ANO7: variants seen among roughly 807,000 people sequenced by gnomAD.
ANO7 encodes anoctamin-7.
Under a neutral mutation model 115.8 loss-of-function variants are expected in ANO7, and 114 were observed. The ratio of observed to expected loss-of-function variants is 0.98; its 90% CI spans 0.85 to 1.15. The LOEUF (loss-of-function observed/expected upper bound fraction) is 1.15, where lower values mean the gene tolerates loss of function less well. ANO7 is among the 50% of genes most tolerant of loss of function. ANO7 has a pLI of 0.00. For missense variants in ANO7, 1,302 were observed against 1,201.2 expected (o/e 1.08, Z -1.24); for synonymous variants, 550 against 498.2 (o/e 1.10, Z -1.38).
rs979805320 is a variant in ANO7 at position 241,196,047 on chromosome 2, C to T, written c.309+202C>T. 10 of 1,431,756 alleles carry T rather than the reference C, an allele frequency of 7.0e-6. No individual in the cohort carries two copies. The African/African-American group carries it at 8.6e-5, about 12-fold the overall frequency. The allele number at this position is 1,431,756 out of a possible 1,614,324, so 88.7% of individuals were successfully genotyped here. A position where few individuals can be genotyped will look rare whatever the true frequency, so the allele number is the denominator to read the frequency against. On this transcript the variant is annotated intron_variant, in intron 4 of 24. Coordinates refer to ENST00000674324, the MANE Select transcript of ANO7 (RefSeq NM_001370694.2). ...TCCAGAGGCGGAGGTAAACATTGAT[C>T]CCTCCTGCACACTCAGCTCTCTCAT...
the ANO7 span, among the ~76,000 whole-genome samples, chr2:241,233,190 G>C: frequency 6.6e-6 from 1 of 152,216 alleles, no homozygotes; most frequent in Non-Finnish European, 1.5e-5. This position sits in a 1 kb window ranked among gnomAD's most constrained non-coding sequence, Gnocchi z 4.3. Flanking sequence ...CAGGATGCCA[G>C]AGCCAGGAAA....
At chr2:241,207,709 C>G (rs375039467) in intron 11 of ANO7, 39 bp downstream of exon 11, 7 of 1,588,744 alleles carry the variant, frequency 4.4e-6, no homozygotes, top group Non-Finnish European at 6.0e-6. Context: ...ATTTGAGAGT[C>G]GGGGATGAGG....
chr2:241,212,149 C>A lies in ANO7; in HGVS notation c.1617C>A (p.Ile539=). Residue 539 remains isoleucine, a synonymous_variant, in exon 16 of 25, where the codon ATC becomes ATA. Transcript: ENST00000674324. ...FEDAFTLKVF[I]FQFVNFYSSP... ...ACGCCTTCACCCTCAAGGTGTTCAT[C>A]TTCCAGTTCGTCAACTTCTACTCCT... 2 of 1,614,182 alleles carry A rather than the reference C, an allele frequency of 1.2e-6. No individual in the cohort carries two copies. Among genetic ancestry groups the A allele is most frequent in the South Asian group, 1.1e-5 (1 of 91,084 alleles).
intron 3 of ANO7, among the ~76,000 whole-genome samples, chr2:241,194,507 A>ATGGG (rs1369958051): frequency 6.6e-6 from 1 of 151,708 alleles, no homozygotes; most frequent in Admixed American, 6.6e-5. Context: ...TTTAGTAGAT[A>ATGGG]TGGGGTTTCA....
downstream of ANO7, chr2:241,227,489 G>A (rs2069244365): frequency 6.6e-6 from 1 of 152,554 alleles, no homozygotes; most frequent in East Asian, 1.9e-4. Context: ...CCTCATCTCT[G>A]CCCAGGGCTG....
intron 1 of ANO7, 73 bp from the exon 2 acceptor site, chr2:241,189,984 G>A: frequency 3.3e-6 from 4 of 1,200,576 alleles, no homozygotes; most frequent in Non-Finnish European, 4.8e-6. Context: ...TGCAGGCAGT[G>A]TGGTGGCCCC....
At chr2:241,204,988 G>C in intron 10 of ANO7, 33 bp downstream of exon 10, 1 of 1,590,204 alleles carries the variant, frequency 6.3e-7, no homozygotes, top group Non-Finnish European at 8.6e-7. Flanking sequence ...TCTGGGGCCT[G>C]GTGCTGGGCC....
At chr2:241,191,311 G>A (rs968690484) in intron 3 of ANO7, 60 bp downstream of exon 3, 28 of 1,591,332 alleles carry the variant, frequency 1.8e-5, no homozygotes, top group African/African-American at 1.3e-4. Flanking sequence ...GGGACACCAC[G>A]GGGGTGCCCC....
At chr2:241,190,016 C>T in intron 1 of ANO7, 41 bp from the exon 2 acceptor site, 2 of 1,498,636 alleles carry the variant, frequency 1.3e-6, no homozygotes, top group Non-Finnish European at 1.8e-6. Flanking sequence ...TCACCCATCC[C>T]CTCTCTGACC....
In ANO7 at chr2:241,188,875, G is replaced by A; in HGVS notation, c.-8+109G>A. The A allele has an allele frequency of 1.4e-6, 2 of 1,425,542 alleles. No individual in the cohort carries two copies. Among genetic ancestry groups the A allele is most frequent in the Non-Finnish European group, 1.9e-6 (2 of 1,068,302 alleles). 88.3% of individuals were successfully genotyped at this position (1,425,542 alleles called of 1,614,324 possible). A position where few individuals can be genotyped will look rare whatever the true frequency, so the allele number is the denominator to read the frequency against. Reference sequence around the variant, plus strand: ...CCGGGACTTTCACACACCCTGGCCTGTGGGGAGGCAGTGCCAGGGCCCGCC... The same window carrying A: ...CCGGGACTTTCACACACCCTGGCCTATGGGGAGGCAGTGCCAGGGCCCGCC... On this transcript the variant is annotated intron_variant, in intron 1 of 24. Coordinates refer to ENST00000674324, the MANE Select transcript of ANO7 (RefSeq NM_001370694.2). This position sits in a 1 kb window ranked among gnomAD's most constrained non-coding sequence, Gnocchi z 4.3.
rs1350063180 is a variant in ANO7, at chr2:241,199,441, G to T, written c.417+18G>T. 1.2e-6 allele frequency: 2 copies of T among 1,612,380 alleles called. No individual in the cohort carries two copies. Among genetic ancestry groups the T allele is most frequent in the East Asian group, 2.2e-5 (1 of 44,878 alleles). ...CCTTGCAGGTACGTGGGAGGCATGGGGACAGGGTGGGCCTGGAGGTCCCGG... is the reference window on the plus strand; with the variant it reads ...CCTTGCAGGTACGTGGGAGGCATGGTGACAGGGTGGGCCTGGAGGTCCCGG... On this transcript the variant is annotated intron_variant, in intron 5 of 24. Coordinates refer to ENST00000674324, the MANE Select transcript of ANO7 (RefSeq NM_001370694.2).
chr2:241,201,746 C>T (rs1005350579), intron 7 of ANO7, among the ~76,000 whole-genome samples: 1 of 152,230 alleles, frequency 6.6e-6, no homozygotes, highest in Admixed American at 6.5e-5. Flanking sequence ...GAGGCCTGTT[C>T]CTGAGGCCTA....
chr2:241,190,971 T>G (rs1426962826), intron 2 of ANO7, among the ~76,000 whole-genome samples: 1 of 152,206 alleles, frequency 6.6e-6, no homozygotes, highest in Non-Finnish European at 1.5e-5. Flanking sequence ...TGGCCCTGCC[T>G]GCCGCTCCCC....
chr2:241,220,362 T>C (rs1436192093), intron 21 of ANO7, among the ~76,000 whole-genome samples: 1 of 151,972 alleles, frequency 6.6e-6, no homozygotes, highest in Admixed American at 6.5e-5. Context: ...TATTATTCTT[T>C]TGTGACTTGG....
chr2:241,240,056 C>A, the ANO7 span: 6 of 1,614,218 alleles, frequency 3.7e-6, no homozygotes, highest in South Asian at 1.1e-5. This position sits in a 1 kb window ranked among gnomAD's most constrained non-coding sequence, Gnocchi z 5.5. Flanking sequence ...TTGCCGCCCC[C>A]CTTGCCGATG....
At position 241,209,311 on chromosome 2, in the gene ANO7, C is replaced by G; in HGVS notation, c.1104C>G (p.Gly368=). 6.4e-7 allele frequency: 1 copy of G among 1,564,432 alleles called. No individual in the cohort carries two copies. The highest frequency in any genetic ancestry group is 8.7e-7 in the Non-Finnish European group (1 of 1,155,212). Residue 368 remains glycine (G), a synonymous_variant, in exon 12 of 25, where the codon GGC becomes GGG. Transcript: ENST00000674324. ...AQAGRLFDHG[G]TVFFSLFMAL... ...CCGGCCGGCTGTTCGACCACGGCGG[C>G]ACCGTGTTCTTCAGCTTGTTCATGG...
chr2:241,196,704 C>CG (rs2068340050), intron 4 of ANO7, among the ~76,000 whole-genome samples: 1 of 152,240 alleles, frequency 6.6e-6, no homozygotes. Context: ...ACTGCTGCCC[C>CG]GGGGCCCACC....
intron 9 of ANO7, among the ~76,000 whole-genome samples, chr2:241,204,377 G>A (rs1218638329): frequency 6.6e-6 from 1 of 151,738 alleles, no homozygotes; most frequent in African/African-American, 2.4e-5. Context: ...CTGAGGGCCT[G>A]GGGTAACTGA....
the ANO7 span, chr2:241,238,815 A>G: frequency 1.4e-5 from 20 of 1,469,680 alleles, no homozygotes; most frequent in African/African-American, 2.1e-4. This position sits in a 1 kb window ranked among gnomAD's most constrained non-coding sequence, Gnocchi z 4.9. Context: ...AAGAAAAAAG[A>G]AAAGAGCAAA....
Sources: gnomAD v4.1 joint callset for allele counts (sites outside exome capture counted in the v4.1 genomes callset) on GRCh38, gnomAD v4.1.1 for gene constraint, Gnocchi (gnomAD v3.1) non-coding constraint, MANE v1.5 for transcripts, NCBI Gene and HGNC (gene_info 2026-07-23, HGNC 2026-07-21) for gene names.